The following MSH3 variants were observed in gnomAD, a reference collection of about 807,000 sequenced individuals.
MSH3 encodes the protein mutS homolog 3.
In MSH3, 106 loss-of-function variants were observed where a neutral mutation model predicts 123.3. That is an observed-to-expected ratio of 0.86 (90% CI 0.73 to 1.01). MSH3 has a LOEUF of 1.01. Among genes scored for constraint, MSH3 ranks in the 50% least tolerant of loss-of-function variants. The pLI, the probability that MSH3 is intolerant of heterozygous loss-of-function variation, is 0.00. For synonymous variants in MSH3, 515 were observed against 481.4 expected (o/e 1.07, Z -0.91); for missense variants, 1,459 against 1,347.6 (o/e 1.08, Z -1.29).
intron 22 of MSH3, among the ~76,000 whole-genome samples, chr5:80,868,943 C>T (rs901062851): frequency 2.6e-5 from 4 of 152,088 alleles, no homozygotes; most frequent in African/African-American, 9.7e-5. Context: ...TTACCTCTTC[C>T]CCAACTTCTC....
intron 9 of MSH3, among the ~76,000 whole-genome samples, chr5:80,725,808 C>G (rs954247196): frequency 6.6e-6 from 1 of 152,136 alleles, no homozygotes; most frequent in Non-Finnish European, 1.5e-5. Flanking sequence ...TATTATCATG[C>G]CATTGCAGTC....
At chr5:80,870,573 A>G (rs1323405609) in intron 22 of MSH3, among the ~76,000 whole-genome samples, 1 of 152,194 alleles carries the variant, frequency 6.6e-6, no homozygotes, top group Non-Finnish European at 1.5e-5. Flanking sequence ...GTGTTTCTCA[A>G]CTTTCATTTG....
intron 11 of MSH3, among the ~76,000 whole-genome samples, chr5:80,742,561 A>G (rs1321195728): frequency 6.6e-6 from 1 of 152,226 alleles, no homozygotes; most frequent in East Asian, 1.9e-4. Flanking sequence ...ATTTATTACT[A>G]TTGCAAATTA....
At position 80,860,565 on chromosome 5, in the gene MSH3, T is replaced by C. The variant is rs1264242210; in HGVS notation, c.3001-4248T>C. 2.6e-5 allele frequency among the ~76,000 whole-genome samples: 4 copies of C among 151,932 alleles called. No individual in the cohort carries two copies. The East Asian group carries it at 7.7e-4, about 29-fold the overall frequency. On this transcript the variant is annotated intron_variant, in intron 21 of 23. Transcript: ENST00000265081. ...GAGCTTGTGTGGATAAGGTGTTTCT[T>C]CCCTCTGGCTTACTTCAGTATTTTT...
intron 8 of MSH3, 42 bp from the exon 9 acceptor site, chr5:80,725,411 T>A: frequency 7.3e-7 from 1 of 1,371,338 alleles, no homozygotes; most frequent in East Asian, 2.3e-5. Flanking sequence ...CATTTCATGA[T>A]AATGGATAAG....
chr5:80,696,499 T>A (rs1441722049), intron 8 of MSH3, among the ~76,000 whole-genome samples: 2 of 152,202 alleles, frequency 1.3e-5, no homozygotes, highest in Non-Finnish European at 2.9e-5. Flanking sequence ...CTGTTGGTCT[T>A]TCCGGGTTGT....
At chr5:80,736,182 C>T (rs573022451) in intron 10 of MSH3, among the ~76,000 whole-genome samples, 13 of 152,104 alleles carry the variant, frequency 8.5e-5, no homozygotes, top group Non-Finnish European at 1.5e-4. Flanking sequence ...GCCGAGATCG[C>T]GCCATTGCAC....
chr5:80,842,839 G>T (rs925162566), intron 20 of MSH3, among the ~76,000 whole-genome samples: 4 of 152,130 alleles, frequency 2.6e-5, no homozygotes, highest in Non-Finnish European at 5.9e-5. Context: ...ATGCAATCAT[G>T]TCATCTGCAA....
In MSH3 at chr5:80,697,318, C is replaced by T. The variant is rs3797884; in HGVS notation, c.1340+18225C>T. On this transcript the variant is annotated intron_variant, in intron 8 of 23. Transcript: ENST00000265081. The stretch of plus-strand genomic sequence containing the variant: ...CCTGAGTTATACAAGGTGTTGGCAG[C>T]TGGAGCCAAGTTACACCTGGTTTAC... Among the ~76,000 whole-genome samples the T allele has an allele frequency of 3.0e-3, 464 of 152,310 alleles. 7 individuals are homozygous for T. The East Asian group carries it at 0.048, about 16-fold the overall frequency.
At chr5:80,658,560 T>C (rs995432017) in intron 2 of MSH3, among the ~76,000 whole-genome samples, 1 of 152,210 alleles carries the variant, frequency 6.6e-6, no homozygotes, top group Non-Finnish European at 1.5e-5. Context: ...GGGAGGATCA[T>C]TCACTAGTCA....
intron 20 of MSH3, among the ~76,000 whole-genome samples, chr5:80,844,869 G>A (rs538932441): frequency 6.6e-6 from 1 of 152,274 alleles, no homozygotes; most frequent in African/African-American, 2.4e-5. Context: ...GCCAGTCTGT[G>A]TCTTTTAATT....
At chr5:80,815,722 C>T (rs1401397656) in intron 20 of MSH3, among the ~76,000 whole-genome samples, 2 of 152,094 alleles carry the variant, frequency 1.3e-5, no homozygotes, top group Non-Finnish European at 2.9e-5. Context: ...TTTTAGGATC[C>T]TCCCAGAAAA....
chr5:80,689,178 A>G (rs1273322665), intron 8 of MSH3, among the ~76,000 whole-genome samples: 1 of 152,158 alleles, frequency 6.6e-6, no homozygotes, highest in Non-Finnish European at 1.5e-5. Context: ...GTAGTGCAGA[A>G]GAGCTGTTCA....
At chr5:80,690,163 C>G (rs1750195338) in intron 8 of MSH3, among the ~76,000 whole-genome samples, 1 of 151,966 alleles carries the variant, frequency 6.6e-6, no homozygotes, top group African/African-American at 2.4e-5. Flanking sequence ...AAGTGATGCT[C>G]TCACCTCAGC....
intron 17 of MSH3, among the ~76,000 whole-genome samples, chr5:80,781,079 T>C (rs1483743437): frequency 6.6e-6 from 1 of 152,230 alleles, no homozygotes; most frequent in African/African-American, 2.4e-5. Flanking sequence ...CTTAAATCTT[T>C]TGAGACTAGC....
At chr5:80,655,800 C>T (rs1205239163) in intron 1 of MSH3, among the ~76,000 whole-genome samples, 1 of 152,136 alleles carries the variant, frequency 6.6e-6, no homozygotes, top group Non-Finnish European at 1.5e-5. Flanking sequence ...GATTACTCCT[C>T]TTCTGTTTTT....
chr5:80,726,699 G>C (rs973897242), intron 9 of MSH3, among the ~76,000 whole-genome samples: 5 of 151,948 alleles, frequency 3.3e-5, no homozygotes, highest in African/African-American at 9.7e-5. Context: ...GAACTCCTGG[G>C]CTCAAACGAT....
At chr5:80,780,538 A>T (rs1744391501) in intron 17 of MSH3, among the ~76,000 whole-genome samples, 1 of 152,202 alleles carries the variant, frequency 6.6e-6, no homozygotes. Context: ...GCCTGCAGGC[A>T]TCAGTCTAAA....
At chr5:80,809,857 T>G (rs1471082687) in intron 19 of MSH3, among the ~76,000 whole-genome samples, 1 of 152,200 alleles carries the variant, frequency 6.6e-6, no homozygotes, top group Admixed American at 6.5e-5. Flanking sequence ...AAGGAGTTAT[T>G]GAATTGTTTG....
Sources: gnomAD v4.1 joint callset for allele counts (sites outside exome capture counted in the v4.1 genomes callset) on GRCh38, gnomAD v4.1.1 for gene constraint, MANE v1.5 for transcripts, NCBI Gene and HGNC (gene_info 2026-07-23, HGNC 2026-07-21) for gene names.